The following SMYD3 variants were observed in gnomAD, a reference collection of about 807,000 sequenced individuals.
SMYD3 encodes SET and MYND domain containing 3.
In SMYD3, 36 loss-of-function variants were observed where a neutral mutation model predicts 57.7. The ratio of observed to expected loss-of-function variants is 0.62; its 90% CI spans 0.48 to 0.82. SMYD3 has a LOEUF of 0.82. SMYD3 is among the 40% of genes least tolerant of loss of function. SMYD3 has a pLI of 0.00. For synonymous variants in SMYD3, 211 were observed against 195.0 expected (o/e 1.08, Z -0.68); for missense variants, 515 against 538.8 (o/e 0.96, Z 0.44).
chr1:246,230,064 A>G (rs1011992834), intron 5 of SMYD3, among the ~76,000 whole-genome samples: 13 of 152,194 alleles, frequency 8.5e-5, no homozygotes, highest in Non-Finnish European at 1.8e-4. Flanking sequence ...AACGTTTAAT[A>G]TCACAGTATT....
intron 5 of SMYD3, among the ~76,000 whole-genome samples, chr1:245,973,484 C>A (rs2058350904): frequency 6.6e-6 from 1 of 152,104 alleles, no homozygotes; most frequent in Non-Finnish European, 1.5e-5. Flanking sequence ...TCAACTTTCA[C>A]AGGAGTTTTA....
At chr1:245,834,961 T>C (rs1441950006) in intron 10 of SMYD3, among the ~76,000 whole-genome samples, 1 of 152,152 alleles carries the variant, frequency 6.6e-6, no homozygotes, top group Non-Finnish European at 1.5e-5. Flanking sequence ...GCCTTTTCCA[T>C]TATATGAGAA....
At chr1:245,823,991 T>A (rs934647660) in intron 10 of SMYD3, among the ~76,000 whole-genome samples, 21 of 152,218 alleles carry the variant, frequency 1.4e-4, no homozygotes, top group African/African-American at 4.6e-4. Flanking sequence ...ATGTCAGCTC[T>A]GGACTCTTAA....
At chr1:246,486,747 A>G (rs997732699) in intron 1 of SMYD3, among the ~76,000 whole-genome samples, 1 of 152,212 alleles carries the variant, frequency 6.6e-6, no homozygotes, top group Admixed American at 6.5e-5. Context: ...CAAACAGATG[A>G]ATAATACTAA....
intron 8 of SMYD3, among the ~76,000 whole-genome samples, chr1:245,882,255 C>A (rs1370355677): frequency 6.6e-6 from 1 of 152,130 alleles, no homozygotes. Flanking sequence ...CTTGACTTAA[C>A]CTCATTCTGG....
intron 1 of SMYD3, among the ~76,000 whole-genome samples, chr1:246,473,717 G>A (rs2067991041): frequency 6.6e-6 from 1 of 152,176 alleles, no homozygotes; most frequent in South Asian, 2.1e-4. Flanking sequence ...AGAAGAGGCG[G>A]AACACATATG....
At chr1:246,078,428 C>T (rs1341158059) in intron 5 of SMYD3, among the ~76,000 whole-genome samples, 1 of 152,188 alleles carries the variant, frequency 6.6e-6, no homozygotes, top group African/African-American at 2.4e-5. Flanking sequence ...CTGTTTTAAT[C>T]TTCTATGAAA....
intron 1 of SMYD3, among the ~76,000 whole-genome samples, chr1:246,405,898 A>G (rs1384195907): frequency 2.1e-5 from 3 of 141,564 alleles, no homozygotes; most frequent in Admixed American, 1.4e-4. Context: ...CGACAGAGCA[A>G]GACTCTGTCT....
intron 5 of SMYD3, among the ~76,000 whole-genome samples, chr1:246,008,367 A>G (rs536767829): frequency 6.6e-6 from 1 of 152,336 alleles, no homozygotes; most frequent in South Asian, 2.1e-4. Flanking sequence ...TGCGACGTAA[A>G]TAAGAAATAA....
chr1:245,836,806 T>C (rs549455675), intron 10 of SMYD3, among the ~76,000 whole-genome samples: 1 of 152,234 alleles, frequency 6.6e-6, no homozygotes, highest in South Asian at 2.1e-4. Flanking sequence ...GATGAAACCT[T>C]GACAAGGCAA....
intron 8 of SMYD3, among the ~76,000 whole-genome samples, chr1:245,889,587 A>T (rs10754482): frequency 1 from 151,962 of 152,358 alleles, 75,788 homozygotes; most frequent in Middle Eastern, 1. Flanking sequence ...CTCTGTCCCA[A>T]GGCATTTTAT....
chr1:246,293,212 T>C (rs1377781829), intron 5 of SMYD3, among the ~76,000 whole-genome samples: 3 of 151,980 alleles, frequency 2.0e-5, no homozygotes, highest in Admixed American at 6.6e-5. Flanking sequence ...GATCTCTCCC[T>C]CTCTCCATGA....
chr1:246,402,846 A>G (rs755552184), intron 1 of SMYD3, among the ~76,000 whole-genome samples: 40 of 152,206 alleles, frequency 2.6e-4, no homozygotes, highest in Non-Finnish European at 5.3e-4. Flanking sequence ...CAGCTGCACA[A>G]TCACTTGGGC....
intron 5 of SMYD3, among the ~76,000 whole-genome samples, chr1:245,935,620 G>A (rs1379720403): frequency 2.0e-5 from 3 of 152,136 alleles, no homozygotes; most frequent in Admixed American, 6.5e-5. Context: ...CATTAGCTAC[G>A]ATATGGAATT....
rs2066694391 is a variant in SMYD3 at position 246,397,677 on chromosome 1, A to G, written c.165-42583T>C. ...CAGAGACAACAGTATAAATGACAGC[A>G]GTGGAGAAAGAGGTTACAAACACAG... On this transcript the variant is annotated intron_variant, in intron 1 of 11. Transcript: ENST00000490107. 2.6e-5 allele frequency among the ~76,000 whole-genome samples: 4 copies of G among 152,180 alleles called. 1 individual carries two copies. The highest frequency in any genetic ancestry group is 2.6e-4 in the Admixed American group (4 of 15,264).
At chr1:246,095,350 T>C (rs771603996) in intron 5 of SMYD3, among the ~76,000 whole-genome samples, 9 of 152,238 alleles carry the variant, frequency 5.9e-5, no homozygotes, top group Non-Finnish European at 1.2e-4. Flanking sequence ...TTATACTGTA[T>C]GCCAGATAAT....
chr1:246,227,119 A>T (rs2063341704), intron 5 of SMYD3, among the ~76,000 whole-genome samples: 4 of 152,318 alleles, frequency 2.6e-5, no homozygotes, highest in South Asian at 2.1e-4. Context: ...CGTCCCATAT[A>T]CTTTGTAGTA....
chr1:245,982,855 G>T (rs2058626932), intron 5 of SMYD3, among the ~76,000 whole-genome samples: 1 of 152,190 alleles, frequency 6.6e-6, no homozygotes, highest in Non-Finnish European at 1.5e-5. Context: ...CTTTGGAGAT[G>T]TGGCCAAGCA....
chr1:246,278,204 T>G (rs1182539428), intron 5 of SMYD3, among the ~76,000 whole-genome samples: 1 of 151,554 alleles, frequency 6.6e-6, no homozygotes, highest in Non-Finnish European at 1.5e-5. Flanking sequence ...GTTACTCTCA[T>G]GTATGTCGAT....
Sources: allele counts gnomAD v4.1 joint callset (sites outside exome capture counted in the v4.1 genomes callset), GRCh38; gene constraint gnomAD v4.1.1; transcripts MANE v1.5; gene names NCBI Gene and HGNC (gene_info 2026-07-23, HGNC 2026-07-21).